ZNF776: variants seen among roughly 807,000 people sequenced by gnomAD.
The protein encoded by ZNF776 is zinc finger protein 776.
In ZNF776, 4 loss-of-function variants were observed where a neutral mutation model predicts 7.0. The observed-to-expected ratio is 0.57, with a 90% confidence interval of 0.28 to 1.31. ZNF776 has a LOEUF of 1.31. Ranked by LOEUF, ZNF776 falls within the 50% of genes most tolerant of loss-of-function variation. The pLI is 0.10. For synonymous variants in ZNF776, 212 were observed against 213.7 expected (o/e 0.99, Z 0.07); for missense variants, 555 against 625.9 (o/e 0.89, Z 1.21).
At chr19:57,750,994 C>T (rs1986586895) in intron 2 of ZNF776, 83 bp downstream of exon 2, 1 of 1,475,324 alleles carries the variant, frequency 6.8e-7, no homozygotes, top group East Asian at 2.4e-5. Flanking sequence ...GACTGTTTTC[C>T]TCACTTCAGG....
Position 57,756,759 on chromosome 19 carries a change from C to T in ZNF776, c.*2072C>T. 2 of 361,990 alleles carry T rather than the reference C, an allele frequency of 5.5e-6. No homozygotes were observed. The highest frequency in any genetic ancestry group is 4.3e-5 in the South Asian group (2 of 46,008). The allele number at this position is 361,990 out of a possible 1,614,324, so 22.4% of individuals were successfully genotyped here. On this transcript the variant is annotated 3_prime_UTR_variant, in exon 3 of 3. Transcript: ENST00000317178. ...TCAGTACTGGTGAGGGAAATCTGTT[C>T]TCAAGTCCTACAGTGCATTCATGTG... is the stretch of plus-strand genomic sequence containing the variant.
intron 2 of ZNF776, among the ~76,000 whole-genome samples, chr19:57,751,930 G>A (rs1452236013): frequency 1.5e-5 from 2 of 129,554 alleles, no homozygotes; most frequent in Non-Finnish European, 3.1e-5. Context: ...GGAGTGCAGT[G>A]GCCCAATCTC....
chr19:57,750,771 C>T lies in ZNF776; in HGVS notation c.34-14C>T, dbSNP rs773402292. The stretch of plus-strand genomic sequence containing the variant: ...ATGGAGTGTTTGTGGTTTCATCTGT[C>T]ATCATCACGGCAGGGCACTGTGACC... On this transcript the variant is annotated splice_polypyrimidine_tract_variant and intron_variant, in intron 1 of 2. Transcript: ENST00000317178. 3.0e-5 allele frequency: 48 copies of T among 1,607,398 alleles called. No homozygotes were observed. The highest frequency in any genetic ancestry group is 3.9e-5 in the Non-Finnish European group (46 of 1,176,500).
chr19:57,752,603 G>T (rs147448029), intron 2 of ZNF776, among the ~76,000 whole-genome samples: 13 of 152,232 alleles, frequency 8.5e-5, no homozygotes, highest in Admixed American at 2.0e-4. Flanking sequence ...GAAGCTCTCT[G>T]ATTTCACAAG....
rs1239963376 is a variant in ZNF776 at position 57,754,075 on chromosome 19, T to C, written c.945T>C (p.Thr315=). The stretch of plus-strand genomic sequence containing the variant: ...TTGTTGACCATCAGCGAGTTCACAC[T>C]GGAGAAAGACCTTATGAATGTGACG... The part of the protein sequence containing the change: ...HSLVDHQRVH[T]GERPYECDEC... The change falls in exon 3 of 3, where the codon ACT becomes ACC. Residue 315 remains threonine (T), a synonymous_variant. Coordinates refer to ENST00000317178, the MANE Select transcript of ZNF776 (RefSeq NM_173632.4). 1 of 1,614,114 alleles carries C rather than the reference T, an allele frequency of 6.2e-7. No individual in the cohort carries two copies. The highest frequency in any genetic ancestry group is 8.5e-7 in the Non-Finnish European group (1 of 1,180,004).
chr19:57,751,008 CTGGGCA>C, intron 2 of ZNF776, 97 bp downstream of exon 2: 1 of 1,405,844 alleles, frequency 7.1e-7, no homozygotes, highest in Non-Finnish European at 9.4e-7. Context: ...CTTCAGGAGC[CTGGGCA>C]CAGGTTCCTC....
chr19:57,747,004 G>A lies in ZNF776; in HGVS notation c.-55G>A. 12 of 1,511,382 alleles carry A rather than the reference G, an allele frequency of 7.9e-6. No homozygotes were observed. Among genetic ancestry groups the A allele is most frequent in the Admixed American group, 4.2e-5 (2 of 47,192 alleles). 93.6% of individuals were successfully genotyped at this position (1,511,382 alleles called of 1,614,324 possible). ...GGCCGGGATCGGGACCACCGTGCCC[G>A]GGTACCTGCACTGCTCGCCCCCTCC... On this transcript the variant is annotated 5_prime_UTR_variant, in exon 1 of 3. Transcript: ENST00000317178.
rs770436405 is a variant in ZNF776 at position 57,754,568 on chromosome 19, C to T, written c.1438C>T (p.Gln480Ter). Residue 480 changes from glutamine to a stop codon, truncating the protein, a stop_gained, in exon 3 of 3, where the codon CAG (glutamine) becomes TAG (stop). Transcript: ENST00000317178. LOFTEE classifies it low-confidence loss of function (END_TRUNC). ...HQKGSLIRHQ[Q>*]IHSGERPHEC... ...AAAGGGCAGTCTCATTCGACATCAG[C>T]AGATTCACTCTGGAGAAAGGCCACA... 3.1e-6 allele frequency: 5 copies of T among 1,613,992 alleles called. No individual in the cohort carries two copies. In the African/African-American group the frequency reaches 6.7e-5, roughly 22 times the overall value.
At chr19:57,752,306 A>C (rs1014711871) in intron 2 of ZNF776, among the ~76,000 whole-genome samples, 1 of 152,184 alleles carries the variant, frequency 6.6e-6, no homozygotes, top group Non-Finnish European at 1.5e-5. Context: ...ACCTGGCCAA[A>C]AATTATCTTT....
chr19:57,756,715 A>G lies in ZNF776; in HGVS notation c.*2028A>G, dbSNP rs1353138235. 4.6e-6 allele frequency: 1 copy of G among 218,920 alleles called. No individual in the cohort carries two copies. Among genetic ancestry groups the G allele is most frequent in the Non-Finnish European group, 9.6e-6 (1 of 103,890 alleles). 13.6% of individuals were successfully genotyped at this position (218,920 alleles called of 1,614,324 possible). A position where few individuals can be genotyped will look rare whatever the true frequency, so the allele number is the denominator to read the frequency against. On this transcript the variant is annotated 3_prime_UTR_variant, in exon 3 of 3. Transcript: ENST00000317178. Reference sequence around the variant, plus strand: ...AGCACAAAATTATTCTCTTGTTTATAATGGATATTGCATTCTGCTCAGTAC... The same window carrying G: ...AGCACAAAATTATTCTCTTGTTTATGATGGATATTGCATTCTGCTCAGTAC...
chr19:57,754,133 C>G lies in ZNF776; in HGVS notation c.1003C>G (p.Leu335Val), dbSNP rs1347343826. The G allele has an allele frequency of 6.2e-7, 1 of 1,613,988 alleles. No individual in the cohort carries two copies. The highest frequency in any genetic ancestry group is 1.3e-5 in the African/African-American group (1 of 74,922). Reference sequence around the variant, plus strand: ...GAAATCTTTTAGCCATAAGCGCAGCCTTGTTCACCACCAGCGAGTTCACAC... The same window carrying G: ...GAAATCTTTTAGCCATAAGCGCAGCGTTGTTCACCACCAGCGAGTTCACAC... ...CGKSFSHKRSLVHHQRVHTGE... is the reference protein window; with the variant it reads ...CGKSFSHKRSVVHHQRVHTGE... Residue 335 changes from leucine to valine, a missense_variant, in exon 3 of 3, where the codon CTT (leucine) becomes GTT (valine). By Grantham distance (32) the Leu-to-Val change is conservative. Transcript: ENST00000317178.
At position 57,754,734 on chromosome 19, in the gene ZNF776, C is replaced by T. The variant is rs186184948; in HGVS notation, c.*47C>T. On this transcript the variant is annotated 3_prime_UTR_variant, in exon 3 of 3. Coordinates refer to ENST00000317178, the MANE Select transcript of ZNF776 (RefSeq NM_173632.4). ...AAAAAGAGCACCCTCATTCAACATT[C>T]GTGAGATCACACTGGAAAGCACTTA... 1,308 of 1,562,560 alleles carry T rather than the reference C, an allele frequency of 8.4e-4. 6 individuals carry two copies. Among genetic ancestry groups the T allele is most frequent in the Middle Eastern group, 1.7e-4 (1 of 5,850 alleles).
In ZNF776 at chr19:57,754,841, T is replaced by G; in HGVS notation, c.*154T>G. ...AGCAAGATCACACTGGGGAAAGGCT[T>G]TCTGAGTGTAGAGAATGTATGAAAT... is the stretch of plus-strand genomic sequence containing the variant. On this transcript the variant is annotated 3_prime_UTR_variant, in exon 3 of 3. Coordinates refer to ENST00000317178, the MANE Select transcript of ZNF776 (RefSeq NM_173632.4). 1.4e-6 allele frequency: 1 copy of G among 724,830 alleles called. No homozygotes were observed. The highest frequency in any genetic ancestry group is 2.2e-6 in the Non-Finnish European group (1 of 448,474). 44.9% of individuals were successfully genotyped at this position (724,830 alleles called of 1,614,324 possible).
At chr19:57,752,099 C>G (rs998155195) in intron 2 of ZNF776, among the ~76,000 whole-genome samples, 12 of 152,138 alleles carry the variant, frequency 7.9e-5, no homozygotes, top group African/African-American at 2.9e-4. Context: ...GTCTCGATCT[C>G]CTGACCTTGT....
At chr19:57,747,814 T>C (rs556964870) in intron 1 of ZNF776, among the ~76,000 whole-genome samples, 22 of 151,630 alleles carry the variant, frequency 1.5e-4, no homozygotes, top group African/African-American at 5.3e-4. Context: ...ACATGCTCTT[T>C]AGATTGGGAT....
intron 1 of ZNF776, 65 bp downstream of exon 1, chr19:57,747,156 G>T: frequency 1.3e-6 from 2 of 1,511,236 alleles, no homozygotes; most frequent in Non-Finnish European, 1.8e-6. Context: ...AAGCAGAGAG[G>T]AAGCGGCGCC....
rs1254321394 is a variant in ZNF776, at chr19:57,757,036, A to AT, written c.*2353dup. 3.4e-6 allele frequency: 1 copy of AT among 294,952 alleles called. No homozygotes were observed. The highest frequency in any genetic ancestry group is 6.7e-6 in the Non-Finnish European group (1 of 148,412). 18.3% of individuals were successfully genotyped at this position (294,952 alleles called of 1,614,324 possible). On this transcript the variant is annotated 3_prime_UTR_variant, in exon 3 of 3. Coordinates refer to ENST00000317178, the MANE Select transcript of ZNF776 (RefSeq NM_173632.4). Reference sequence around the variant, plus strand: ...TTTTTTATAGAGATAGGGTTTTGCTATTTTACCCTGACTGATGTTCAACTC... The same window carrying AT: ...TTTTTTATAGAGATAGGGTTTTGCTATTTTTACCCTGACTGATGTTCAACTC...
At chr19:57,747,932 T>C (rs35021162) in intron 1 of ZNF776, among the ~76,000 whole-genome samples, 2 of 151,638 alleles carry the variant, frequency 1.3e-5, no homozygotes, top group Non-Finnish European at 1.5e-5. Context: ...ACAGGATATA[T>C]GGAGGTATTC....
At position 57,755,056 on chromosome 19, in the gene ZNF776, T is replaced by G. The variant is rs2122524214; in HGVS notation, c.*369T>G. Reference sequence around the variant, plus strand: ...AAATTATTTAGCCAGAAGAGCTGCATTACTATTCATCAGATAATTTACAAT... The same window carrying G: ...AAATTATTTAGCCAGAAGAGCTGCAGTACTATTCATCAGATAATTTACAAT... On this transcript the variant is annotated 3_prime_UTR_variant, in exon 3 of 3. Transcript: ENST00000317178. 4.4e-6 allele frequency: 1 copy of G among 225,740 alleles called. No individual in the cohort carries two copies. Among genetic ancestry groups the G allele is most frequent in the Non-Finnish European group, 8.8e-6 (1 of 113,556 alleles). The allele number at this position is 225,740 out of a possible 1,614,324, so 14.0% of individuals were successfully genotyped here.
Sources: gnomAD v4.1 joint callset for allele counts (sites outside exome capture counted in the v4.1 genomes callset) on GRCh38, gnomAD v4.1.1 for gene constraint, MANE v1.5 for transcripts, NCBI Gene and HGNC (gene_info 2026-07-23, HGNC 2026-07-21) for gene names.